The following KCNH8 variants were observed in gnomAD, a reference collection of about 807,000 sequenced individuals.
The protein encoded by KCNH8 is voltage-gated delayed rectifier potassium channel KCNH8.
Under a neutral mutation model 103.6 loss-of-function variants are expected in KCNH8, and 70 were observed. The observed-to-expected ratio is 0.68, with a 90% CI of 0.56 to 0.82. The LOEUF (loss-of-function observed/expected upper bound fraction) is 0.82, where lower values mean the gene tolerates loss of function less well. Ranked by LOEUF, KCNH8 falls within the 40% of genes least tolerant of loss-of-function variation. The pLI, the probability that KCNH8 is intolerant of heterozygous loss-of-function variation, is 0.00. For synonymous variants in KCNH8, 498 were observed against 489.4 expected (o/e 1.02, Z -0.23); for missense variants, 1,217 against 1,329.9 (o/e 0.92, Z 1.32).
chr3:19,429,083 C>T (rs1207345777), intron 7 of KCNH8, among the ~76,000 whole-genome samples: 1 of 150,914 alleles, frequency 6.6e-6, no homozygotes, highest in African/African-American at 2.4e-5. Flanking sequence ...ACTCCCACTA[C>T]TTATTGTTTT....
chr3:19,301,399 A>G (rs952422510), intron 3 of KCNH8, among the ~76,000 whole-genome samples: 12 of 149,424 alleles, frequency 8.0e-5, no homozygotes, highest in Middle Eastern at 3.6e-3. Context: ...GAATATAAAT[A>G]TATATAATTT....
At chr3:19,502,848 A>G (rs1284665165) in intron 11 of KCNH8, among the ~76,000 whole-genome samples, 6 of 151,436 alleles carry the variant, frequency 4.0e-5, no homozygotes, top group African/African-American at 7.3e-5. Context: ...AGGCATTACC[A>G]TTCAGGACAT....
intron 1 of KCNH8, among the ~76,000 whole-genome samples, chr3:19,230,314 C>G (rs1345935633): frequency 6.6e-6 from 1 of 152,088 alleles, no homozygotes; most frequent in Non-Finnish European, 1.5e-5. Context: ...AATCTTATTC[C>G]AAGTTTGTAT....
intron 3 of KCNH8, among the ~76,000 whole-genome samples, chr3:19,320,595 G>T (rs897104230): frequency 5.9e-5 from 9 of 151,682 alleles, no homozygotes; most frequent in Admixed American, 4.6e-4. Flanking sequence ...TTTTTTTTGA[G>T]AATTTTTGCA....
intron 5 of KCNH8, among the ~76,000 whole-genome samples, chr3:19,389,926 G>A (rs78300560): frequency 0.07 from 10,683 of 152,058 alleles, 479 homozygotes; most frequent in Middle Eastern, 0.14. Flanking sequence ...CACCATGCCC[G>A]GCTTGTATCT....
intron 1 of KCNH8, among the ~76,000 whole-genome samples, chr3:19,237,015 G>C (rs1266789629): frequency 3.9e-5 from 6 of 152,226 alleles, no homozygotes; most frequent in Non-Finnish European, 7.3e-5. Flanking sequence ...AATGGTATGA[G>C]ATTGTGGGAG....
chr3:19,163,683 G>A (rs999821423), intron 1 of KCNH8, among the ~76,000 whole-genome samples: 7 of 152,086 alleles, frequency 4.6e-5, no homozygotes, highest in African/African-American at 1.4e-4. Flanking sequence ...TTTGAATTGC[G>A]CGAGTCCACT....
intron 1 of KCNH8, among the ~76,000 whole-genome samples, chr3:19,197,573 A>C (rs74936303): frequency 0.044 from 6,661 of 151,736 alleles, 524 homozygotes; most frequent in African/African-American, 0.15. Context: ...TTAAGAATAC[A>C]GGTTTTGGAG....
At chr3:19,483,838 G>A (rs1383217019) in intron 11 of KCNH8, among the ~76,000 whole-genome samples, 1 of 152,056 alleles carries the variant, frequency 6.6e-6, no homozygotes, top group East Asian at 1.9e-4. Flanking sequence ...GCTCTAAGGA[G>A]TTACATTGTC....
intron 3 of KCNH8, among the ~76,000 whole-genome samples, chr3:19,324,766 A>G (rs1022556992): frequency 6.6e-6 from 1 of 152,216 alleles, no homozygotes; most frequent in African/African-American, 2.4e-5. Context: ...TGCCCAAAGC[A>G]ATTTATAAAT....
intron 5 of KCNH8, among the ~76,000 whole-genome samples, chr3:19,351,677 G>T (rs1020419433): frequency 6.6e-6 from 1 of 152,092 alleles, no homozygotes; most frequent in African/African-American, 2.4e-5. Context: ...TTACAGACAA[G>T]CAAATGCTGA....
intron 4 of KCNH8, among the ~76,000 whole-genome samples, chr3:19,343,181 T>C (rs1559484371): frequency 6.6e-6 from 1 of 152,084 alleles, no homozygotes; most frequent in Non-Finnish European, 1.5e-5. Flanking sequence ...AAAACTTACA[T>C]TTTATATAAA....
intron 3 of KCNH8, among the ~76,000 whole-genome samples, chr3:19,326,901 CA>C (rs1320618399): frequency 1.3e-5 from 2 of 152,168 alleles, no homozygotes. Flanking sequence ...TAGCTGCTAT[CA>C]GCTTGGAACT....
chr3:19,204,549 A>G (rs905365211), intron 1 of KCNH8, among the ~76,000 whole-genome samples: 5 of 152,084 alleles, frequency 3.3e-5, no homozygotes, highest in Admixed American at 6.6e-5. Context: ...TAGCCAAAAT[A>G]GTTTTTAAAA....
intron 7 of KCNH8, among the ~76,000 whole-genome samples, chr3:19,424,059 C>A (rs1241418992): frequency 6.6e-6 from 1 of 152,082 alleles, no homozygotes; most frequent in Admixed American, 6.6e-5. Flanking sequence ...AGATTCAGTG[C>A]AGTTCCCATC....
At chr3:19,396,158 A>G (rs1246648065) in intron 7 of KCNH8, among the ~76,000 whole-genome samples, 1 of 152,030 alleles carries the variant, frequency 6.6e-6, no homozygotes. Context: ...TCAGTTGGCT[A>G]GAAAATCCTT....
Position 19,533,535 on chromosome 3 carries a change from G to C in KCNH8, c.2760G>C (p.Glu920Asp), listed in dbSNP as rs2069205347. The C allele has an allele frequency of 6.2e-7, 1 of 1,614,200 alleles. No homozygotes were observed. Among genetic ancestry groups the C allele is most frequent in the African/African-American group, 1.3e-5 (1 of 75,066 alleles). The change falls in exon 16 of 16, where the codon GAG becomes GAC. Residue 920 changes from glutamate (E) to aspartate (D), a missense_variant. By Grantham distance (45) the Glu-to-Asp change is conservative (BLOSUM62 2). Around this residue, in one of 3 missense-constraint regions of KCNH8, gnomAD observed 558 missense variants for 495.8 expected, o/e 1.13. Coordinates refer to ENST00000328405, the MANE Select transcript of KCNH8 (RefSeq NM_144633.3). ...GCACCTCTGTGTGTCCCTCCAGGGA[G>C]AGCTTACAGACCAGAACGAGCTGGA... The part of the protein sequence containing the change: ...LHSTSVCPSR[E>D]SLQTRTSWSA...
chr3:19,303,153 G>A (rs377591949), intron 3 of KCNH8, among the ~76,000 whole-genome samples: 2 of 152,130 alleles, frequency 1.3e-5, no homozygotes, highest in East Asian at 3.9e-4. Context: ...AAGCTTGAAT[G>A]ATGAATATTT....
At chr3:19,272,798 T>C (rs1474183275) in intron 2 of KCNH8, among the ~76,000 whole-genome samples, 1 of 152,184 alleles carries the variant, frequency 6.6e-6, no homozygotes, top group Non-Finnish European at 1.5e-5. Context: ...GCTCTCCTTT[T>C]TCTTTTTTCC....
Sources: gnomAD v4.1 joint callset for allele counts (sites outside exome capture counted in the v4.1 genomes callset) on GRCh38, gnomAD v4.1.1 for gene constraint, gnomAD v4.1.1 regional missense constraint, MANE v1.5 for transcripts, NCBI Gene and HGNC (gene_info 2026-07-23, HGNC 2026-07-21) for gene names.